CCDC178: variants seen among roughly 807,000 people sequenced by gnomAD.
The protein encoded by CCDC178 is coiled-coil domain containing 178.
A neutral mutation model predicts 117.4 loss-of-function variants in CCDC178; 126 were observed. The ratio of observed to expected loss-of-function variants is 1.07; its 90% CI spans 0.93 to 1.24. CCDC178 has a LOEUF of 1.24. CCDC178 is among the 50% of genes most tolerant of loss of function. CCDC178 has a pLI of 0.00. For synonymous variants in CCDC178, 283 were observed against 313.4 expected (o/e 0.90, Z 1.02); for missense variants, 1,030 against 986.9 (o/e 1.04, Z -0.59).
At chr18:33,294,640 G>A (rs2062082958) in intron 11 of CCDC178, among the ~76,000 whole-genome samples, 1 of 152,176 alleles carries the variant, frequency 6.6e-6, no homozygotes, top group Non-Finnish European at 1.5e-5. Context: ...ACATTTCCAT[G>A]TCTGCAGAGT....
Position 33,212,016 on chromosome 18 carries a change from T to G in CCDC178, c.2118A>C (p.Ala706=), listed in dbSNP as rs61749300. The G allele has an allele frequency of 2.8e-5, 45 of 1,600,704 alleles. No individual in the cohort carries two copies. Among genetic ancestry groups the G allele is most frequent in the Admixed American group, 1.2e-4 (7 of 57,504 alleles). Residue 706 remains alanine, a synonymous_variant, in exon 20 of 23, where the codon GCA becomes GCC. Transcript: ENST00000383096. ...FITMRFKREH[A]QTVFDHYMQE... ...GCATATAATGATCAAACACAGTTTG[T>G]GCATGTTCCCTTTTAAATCTCATAG... is the stretch of plus-strand genomic sequence containing the variant.
At chr18:33,057,923 G>A (rs2056858256) in intron 21 of CCDC178, among the ~76,000 whole-genome samples, 1 of 152,100 alleles carries the variant, frequency 6.6e-6, no homozygotes, top group African/African-American at 2.4e-5. Context: ...AGTCATTAGG[G>A]AAATGTAAAC....
intron 3 of CCDC178, among the ~76,000 whole-genome samples, chr18:33,408,696 A>G (rs1352829475): frequency 1.3e-5 from 2 of 152,172 alleles, no homozygotes; most frequent in Admixed American, 1.3e-4. Context: ...TAAAATATCA[A>G]AACACTATTC....
intron 22 of CCDC178, among the ~76,000 whole-genome samples, chr18:32,940,575 C>T (rs745336351): frequency 1.3e-5 from 2 of 151,558 alleles, no homozygotes; most frequent in African/African-American, 2.4e-5. Flanking sequence ...TTTTGTAACT[C>T]GTTTTCTCCC....
chr18:33,234,950 C>T (rs1219234647), intron 15 of CCDC178, among the ~76,000 whole-genome samples: 1 of 152,056 alleles, frequency 6.6e-6, no homozygotes, highest in Non-Finnish European at 1.5e-5. Context: ...TTGCATGGTG[C>T]ATACATTAAG....
intron 20 of CCDC178, among the ~76,000 whole-genome samples, chr18:33,162,311 AC>A (rs2058475195): frequency 1.3e-5 from 2 of 152,344 alleles, no homozygotes; most frequent in South Asian, 4.1e-4. Context: ...GTGCACATGT[AC>A]CCTAAAACTT....
chr18:33,415,054 G>A (rs1260171277), intron 2 of CCDC178, among the ~76,000 whole-genome samples: 1 of 152,214 alleles, frequency 6.6e-6, no homozygotes, highest in Non-Finnish European at 1.5e-5. Flanking sequence ...AGAAACAATA[G>A]ATGCTGGAGA....
At chr18:33,024,447 G>A (rs1365239805) in intron 21 of CCDC178, among the ~76,000 whole-genome samples, 1 of 151,696 alleles carries the variant, frequency 6.6e-6, no homozygotes, top group Non-Finnish European at 1.5e-5. Context: ...CTCTTATAAG[G>A]ACACCAGCCA....
chr18:33,329,692 G>T (rs1047671236), intron 10 of CCDC178, among the ~76,000 whole-genome samples: 2 of 152,194 alleles, frequency 1.3e-5, no homozygotes, highest in East Asian at 1.9e-4. Flanking sequence ...GATTTGGGTT[G>T]CTAGGATTTT....
At chr18:33,391,286 C>T (rs951484189) in intron 4 of CCDC178, among the ~76,000 whole-genome samples, 41 of 150,700 alleles carry the variant, frequency 2.7e-4, no homozygotes, top group African/African-American at 7.5e-4. Flanking sequence ...AATCTATATG[C>T]GTGCAATAAA....
At chr18:33,338,219 C>A (rs183801803) in intron 9 of CCDC178, among the ~76,000 whole-genome samples, 138 of 152,068 alleles carry the variant, frequency 9.1e-4, no homozygotes, top group Non-Finnish European at 1.6e-3. Flanking sequence ...CTAACTCCTG[C>A]AAGTATGTCC....
chr18:32,940,154 A>G (rs2054205493), intron 22 of CCDC178, among the ~76,000 whole-genome samples: 1 of 152,014 alleles, frequency 6.6e-6, no homozygotes, highest in Non-Finnish European at 1.5e-5. Context: ...AAATCTTTTC[A>G]TGGTGAAAAT....
intron 4 of CCDC178, among the ~76,000 whole-genome samples, chr18:33,394,975 ATATATATATATATG>A (rs2063615860): frequency 7.3e-6 from 1 of 136,366 alleles, no homozygotes; most frequent in African/African-American, 2.7e-5. Context: ...ATATATATAT[ATATATATATATATG>A]TATACATATA....
chr18:33,345,558 T>A (rs1362441716), intron 9 of CCDC178, among the ~76,000 whole-genome samples: 1 of 152,196 alleles, frequency 6.6e-6, no homozygotes, highest in Non-Finnish European at 1.5e-5. Context: ...TTAAAACTCT[T>A]TCAATTTTCC....
At chr18:33,167,606 C>T (rs1213159496) in intron 20 of CCDC178, among the ~76,000 whole-genome samples, 1 of 151,926 alleles carries the variant, frequency 6.6e-6, no homozygotes, top group East Asian at 1.9e-4. Flanking sequence ...GCTCACACCT[C>T]TAATCCTAGC....
intron 21 of CCDC178, among the ~76,000 whole-genome samples, chr18:33,036,572 G>A (rs1420276128): frequency 6.6e-6 from 1 of 151,888 alleles, no homozygotes; most frequent in African/African-American, 2.4e-5. Flanking sequence ...CTGACTGAGG[G>A]GAGGTATCCT....
chr18:33,130,377 C>T (rs1232888401), intron 20 of CCDC178, among the ~76,000 whole-genome samples: 1 of 151,954 alleles, frequency 6.6e-6, no homozygotes, highest in Non-Finnish European at 1.5e-5. Flanking sequence ...CATTTTATTG[C>T]AACCTTATGT....
At chr18:33,076,416 A>G (rs2057208979) in intron 21 of CCDC178, among the ~76,000 whole-genome samples, 1 of 152,198 alleles carries the variant, frequency 6.6e-6, no homozygotes, top group Non-Finnish European at 1.5e-5. Context: ...ATAGGAGGAT[A>G]TTTGAGGAAA....
At chr18:33,207,958 A>G (rs1326084071) in intron 20 of CCDC178, among the ~76,000 whole-genome samples, 1 of 152,012 alleles carries the variant, frequency 6.6e-6, no homozygotes, top group African/African-American at 2.4e-5. Flanking sequence ...TCTCCTGTTA[A>G]GTACTTGTGA....
Sources: gnomAD v4.1 joint callset for allele counts (sites outside exome capture counted in the v4.1 genomes callset) on GRCh38, gnomAD v4.1.1 for gene constraint, MANE v1.5 for transcripts, NCBI Gene and HGNC (gene_info 2026-07-23, HGNC 2026-07-21) for gene names.